CCDC27: variants seen among roughly 807,000 people sequenced by gnomAD.
CCDC27 encodes the protein coiled-coil domain-containing protein 27.
Under a neutral mutation model 80.3 loss-of-function variants are expected in CCDC27, and 80 were observed. The ratio of observed to expected loss-of-function variants is 1.00; its 90% CI spans 0.83 to 1.20. The LOEUF is 1.20. Among genes scored for constraint, CCDC27 ranks in the 50% most tolerant of loss-of-function variants. CCDC27 has a pLI of 0.00. For synonymous variants in CCDC27, 342 were observed against 334.3 expected (o/e 1.02, Z -0.25); for missense variants, 815 against 809.4 (o/e 1.01, Z -0.08).
At position 3,752,710 on chromosome 1, in the gene CCDC27, G is replaced by T. The variant is rs1283164616; in HGVS notation, c.229G>T (p.Asp77Tyr). The stretch of plus-strand genomic sequence containing the variant: ...GCTCCTCCAGAGCATGGCCAGCCGG[G>T]ACGCCCGGTGCCCAGAATGGAAACC... ...LVLLQSMASR[D>Y]ARCPEWKPHQ... The change falls in exon 1 of 12, where the codon GAC becomes TAC. Residue 77 changes from aspartate (D) to tyrosine (Y), a missense_variant. Coordinates refer to ENST00000294600, the MANE Select transcript of CCDC27 (RefSeq NM_152492.3). The T allele has an allele frequency of 6.2e-7, 1 of 1,613,906 alleles. No homozygotes were observed. The highest frequency in any genetic ancestry group is 1.7e-5 in the Admixed American group (1 of 60,026).
At chr1:3,756,989 C>A in intron 4 of CCDC27, 99 bp downstream of exon 4, 1 of 1,390,840 alleles carries the variant, frequency 7.2e-7, no homozygotes, top group Non-Finnish European at 9.7e-7. Flanking sequence ...GTTCTAGTAT[C>A]TGGTTAGCTG....
At position 3,754,296 on chromosome 1, in the gene CCDC27, C is replaced by T. The variant is rs113554610; in HGVS notation, c.442+55C>T. 3,469 of 1,514,724 alleles carry T rather than the reference C, an allele frequency of 2.3e-3. 76 individuals carry two copies. The South Asian group carries it at 0.032, about 14-fold the overall frequency. 93.8% of individuals were successfully genotyped at this position (1,514,724 alleles called of 1,614,324 possible). A position where few individuals can be genotyped will look rare whatever the true frequency, so the allele number is the denominator to read the frequency against. On this transcript the variant is annotated intron_variant, in intron 2 of 11. Coordinates refer to ENST00000294600, the MANE Select transcript of CCDC27 (RefSeq NM_152492.3). Reference sequence around the variant, plus strand: ...AAACTGCCTGTCAGAGTCGAGGGGCCGGGGGAGGCCTTCCTGCACCCTTCA... The same window carrying T: ...AAACTGCCTGTCAGAGTCGAGGGGCTGGGGGAGGCCTTCCTGCACCCTTCA...
In CCDC27 at chr1:3,763,367, A is replaced by G. The variant is rs149462808; in HGVS notation, c.1214A>G (p.Glu405Gly). The G allele has an allele frequency of 1.5e-5, 24 of 1,612,852 alleles. No homozygotes were observed. Among genetic ancestry groups the G allele is most frequent in the Non-Finnish European group, 2.0e-5 (24 of 1,179,994 alleles). Residue 405 changes from glutamate to glycine, a missense_variant, in exon 7 of 12, where the codon GAG becomes GGG. Transcript: ENST00000294600. This position sits in a 1 kb window ranked among gnomAD's most constrained non-coding sequence, Gnocchi z 7.5. Reference sequence around the variant, plus strand: ...AGGAGAAGGGCCTCCTCCCTGGCCGAGTCGTTTGAGGAGGAGCTGCTGGCC... The same window carrying G: ...AGGAGAAGGGCCTCCTCCCTGGCCGGGTCGTTTGAGGAGGAGCTGCTGGCC... Reference protein sequence around the residue: ...IPRRRASSLAESFEEELLAQL... With the variant: ...IPRRRASSLAGSFEEELLAQL...
intron 8 of CCDC27, among the ~76,000 whole-genome samples, chr1:3,764,361 T>A (rs189045609): frequency 2.0e-5 from 3 of 152,344 alleles, no homozygotes; most frequent in African/African-American, 7.2e-5. Context: ...GGCATCATTT[T>A]AAATTCTTCC....
At position 3,771,632 on chromosome 1, in the gene CCDC27, G is replaced by A. The variant is rs1466266279; in HGVS notation, c.*109G>A. 3.2e-6 allele frequency: 4 copies of A among 1,258,186 alleles called. No individual in the cohort carries two copies. Among genetic ancestry groups the A allele is most frequent in the African/African-American group, 3.0e-5 (2 of 66,768 alleles). 77.9% of individuals were successfully genotyped at this position (1,258,186 alleles called of 1,614,324 possible). A position where few individuals can be genotyped will look rare whatever the true frequency, so the allele number is the denominator to read the frequency against. ...CTCTCAGACTCAGAATTAAACCCCG[G>A]TGTTGGCACTGTCCCACCTTTTTCT... is the stretch of plus-strand genomic sequence containing the variant. On this transcript the variant is annotated 3_prime_UTR_variant, in exon 12 of 12. Coordinates refer to ENST00000294600, the MANE Select transcript of CCDC27 (RefSeq NM_152492.3).
rs1339167317 is a variant in CCDC27 at position 3,763,718 on chromosome 1, C to G, written c.1334C>G (p.Ser445Cys). 9 of 1,613,988 alleles carry G rather than the reference C, an allele frequency of 5.6e-6. No homozygotes were observed. Among genetic ancestry groups the G allele is most frequent in the East Asian group, 4.5e-5 (2 of 44,894 alleles). ...CCTCTGTGCCCAGGAGTGATTGCGT[C>G]TTTACAACAACAAGTGGATTTCCAA... ...RYSLATGVIA[S>C]LQQQVDFQET... The change falls in exon 8 of 12, where the codon TCT (serine) becomes TGT (cysteine). Residue 445 changes from serine (S) to cysteine (C), a missense_variant. Coordinates refer to ENST00000294600, the MANE Select transcript of CCDC27 (RefSeq NM_152492.3). The surrounding 1 kb of genome is among the most constrained non-coding windows in gnomAD (Gnocchi z 7.5).
intron 1 of CCDC27, 62 bp downstream of exon 1, chr1:3,752,861 C>T: frequency 6.6e-7 from 1 of 1,519,264 alleles, no homozygotes. Flanking sequence ...TTCTCCTCCC[C>T]AAAGGCCCAT....
chr1:3,761,207 T>C lies in CCDC27; in HGVS notation c.712-74T>C. On this transcript the variant is annotated intron_variant, in intron 4 of 11. Transcript: ENST00000294600. This position sits in a 1 kb window ranked among gnomAD's most constrained non-coding sequence, Gnocchi z 5.0. ...CGACAGCAGATCTGCTCCTCCTGGG[T>C]GGGCTGGAGGCAGGTCAGGGGAAGA... is the stretch of plus-strand genomic sequence containing the variant. 1 of 1,549,128 alleles carries C rather than the reference T, an allele frequency of 6.5e-7. No individual in the cohort carries two copies. Among genetic ancestry groups the C allele is most frequent in the Non-Finnish European group, 8.8e-7 (1 of 1,141,502 alleles).
At chr1:3,755,767 C>G in intron 3 of CCDC27, 200 bp downstream of exon 3, 3 of 580,600 alleles carry the variant, frequency 5.2e-6, no homozygotes, top group Non-Finnish European at 9.2e-6. Context: ...CTGCAGTCCC[C>G]CCAGGACCGT....
Position 3,752,703 on chromosome 1 carries a change from C to T in CCDC27, c.222C>T (p.Ala74=). 1 of 1,613,958 alleles carries T rather than the reference C, an allele frequency of 6.2e-7. No homozygotes were observed. Among genetic ancestry groups the T allele is most frequent in the East Asian group, 2.2e-5 (1 of 44,890 alleles). Residue 74 remains alanine (A), a synonymous_variant, in exon 1 of 12, where the codon GCC becomes GCT. Coordinates refer to ENST00000294600, the MANE Select transcript of CCDC27 (RefSeq NM_152492.3). ...CCCTGGTGCTCCTCCAGAGCATGGC[C>T]AGCCGGGACGCCCGGTGCCCAGAAT... ...ARALVLLQSM[A]SRDARCPEWK...
intron 8 of CCDC27, among the ~76,000 whole-genome samples, chr1:3,764,377 G>A (rs774560716): frequency 4.6e-5 from 7 of 151,978 alleles, no homozygotes; most frequent in African/African-American, 1.2e-4. Flanking sequence ...CTTCCAGCAC[G>A]TTCTTTATGA....
intron 1 of CCDC27, among the ~76,000 whole-genome samples, chr1:3,753,034 C>T (rs1642862983): frequency 6.6e-6 from 1 of 152,236 alleles, no homozygotes; most frequent in Admixed American, 6.5e-5. Flanking sequence ...CCACCGGCTT[C>T]TTCTGGGTTA....
In CCDC27 at chr1:3,769,254, C is replaced by T. The variant is rs957613878; in HGVS notation, c.1744-529C>T. 6.6e-6 allele frequency among the ~76,000 whole-genome samples: 1 copy of T among 152,126 alleles called. No individual in the cohort carries two copies. Among genetic ancestry groups the T allele is most frequent in the African/African-American group, 2.4e-5 (1 of 41,422 alleles). ...TCTTCATGGCAGCAGAAGACGAGAA[C>T]GCCTTCTGGGTCTGTGCGCGGGGGC... On this transcript the variant is annotated intron_variant, in intron 10 of 11. Transcript: ENST00000294600. This position sits in a 1 kb window ranked among gnomAD's most constrained non-coding sequence, Gnocchi z 4.6.
intron 2 of CCDC27, among the ~76,000 whole-genome samples, chr1:3,754,621 C>T (rs984884175): frequency 1.3e-5 from 2 of 152,102 alleles, no homozygotes; most frequent in African/African-American, 4.8e-5. Context: ...CCTGGGGAGC[C>T]CTAGCAGCTA....
In CCDC27 at chr1:3,769,834, A is replaced by C. The variant is rs1166070154; in HGVS notation, c.1795A>C (p.Thr599Pro). The change falls in exon 11 of 12, where the codon ACC becomes CCC. Residue 599 changes from threonine (T) to proline (P), a missense_variant. Transcript: ENST00000294600. The surrounding 1 kb of genome is among the most constrained non-coding windows in gnomAD (Gnocchi z 4.6). Reference sequence around the variant, plus strand: ...CCAGGCCACCTTTAGCATCTCCGGGACCAAGTCCTTGGCCAACGAGATCTC... The same window carrying C: ...CCAGGCCACCTTTAGCATCTCCGGGCCCAAGTCCTTGGCCAACGAGATCTC... The part of the protein sequence containing the change: ...IIQATFSISG[T>P]KSLANEISDN... 4 of 1,613,970 alleles carry C rather than the reference A, an allele frequency of 2.5e-6. No individual in the cohort carries two copies. The South Asian group carries it at 4.4e-5, about 18-fold the overall frequency.
chr1:3,767,642 G>A (rs1365500501), intron 10 of CCDC27, among the ~76,000 whole-genome samples, 197 bp downstream of exon 10: 1 of 152,252 alleles, frequency 6.6e-6, no homozygotes, highest in East Asian at 1.9e-4. Flanking sequence ...GAGTGCAACA[G>A]AGTAGCCCGG....
rs1643291120 is a variant in CCDC27 at position 3,768,739 on chromosome 1, T to C, written c.1744-1044T>C. Among the ~76,000 whole-genome samples, 2 of 152,110 alleles carry C rather than the reference T, an allele frequency of 1.3e-5. No individual in the cohort carries two copies. Among genetic ancestry groups the C allele is most frequent in the Admixed American group, 1.3e-4 (2 of 15,276 alleles). On this transcript the variant is annotated intron_variant, in intron 10 of 11. Coordinates refer to ENST00000294600, the MANE Select transcript of CCDC27 (RefSeq NM_152492.3). The surrounding 1 kb of genome is among the most constrained non-coding windows in gnomAD (Gnocchi z 5.6). ...GGTGAGCAGGAACTAGCGCCAAGCC[T>C]GATGGTGAGGCCCCACGGGTGTGGG...
In CCDC27 at chr1:3,769,622, T is replaced by C. The variant is rs375477155; in HGVS notation, c.1744-161T>C. 2.5e-4 allele frequency among the ~76,000 whole-genome samples: 38 copies of C among 152,226 alleles called. No individual in the cohort carries two copies. The East Asian group carries it at 4.8e-3, about 19-fold the overall frequency. ...CCTCCTAGCTCTCAGACAATCCACA[T>C]TGACTTCTCTGACACCTGTTTCCAG... On this transcript the variant is annotated intron_variant, in intron 10 of 11. Coordinates refer to ENST00000294600, the MANE Select transcript of CCDC27 (RefSeq NM_152492.3). This position sits in a 1 kb window ranked among gnomAD's most constrained non-coding sequence, Gnocchi z 4.6.
At position 3,766,308 on chromosome 1, in the gene CCDC27, G is replaced by A. The variant is rs1019246495; in HGVS notation, c.1453-227G>A. ...CTTATTTTCTGCTTTTCCTACTGCC[G>A]GCTATTTGGCTTTCTTGGATCTGGG... On this transcript the variant is annotated intron_variant, in intron 8 of 11. Coordinates refer to ENST00000294600, the MANE Select transcript of CCDC27 (RefSeq NM_152492.3). The surrounding 1 kb of genome is among the most constrained non-coding windows in gnomAD (Gnocchi z 6.1). Among the ~76,000 whole-genome samples the A allele has an allele frequency of 3.9e-5, 6 of 152,184 alleles. No homozygotes were observed. The highest frequency in any genetic ancestry group is 7.4e-5 in the Non-Finnish European group (5 of 68,006).
Sources: gnomAD v4.1 joint callset for allele counts (sites outside exome capture counted in the v4.1 genomes callset) on GRCh38, gnomAD v4.1.1 for gene constraint, Gnocchi (gnomAD v3.1) non-coding constraint, MANE v1.5 for transcripts, NCBI Gene and HGNC (gene_info 2026-07-23, HGNC 2026-07-21) for gene names.